The following CCDC149 variants were observed in gnomAD, a reference collection of about 807,000 sequenced individuals.
The protein encoded by CCDC149 is coiled-coil domain containing 149, also known as coiled-coil domain-containing protein 149.
A neutral mutation model predicts 59.9 loss-of-function variants in CCDC149; 45 were observed. The observed-to-expected ratio is 0.75, with a 90% CI of 0.59 to 0.96. CCDC149 has a LOEUF of 0.96. Ranked by LOEUF, CCDC149 falls within the 40% of genes least tolerant of loss-of-function variation. The pLI is 0.00. For synonymous variants in CCDC149, 245 were observed against 260.6 expected, an observed-to-expected ratio of 0.94 and a Z score of 0.58; for missense variants, 584 against 664.7, an observed-to-expected ratio of 0.88 and a Z score of 1.33.
At chr4:24,956,033 C>A (rs1468122976) in intron 1 of CCDC149, among the ~76,000 whole-genome samples, 1 of 152,136 alleles carries the variant, frequency 6.6e-6, no homozygotes, top group African/African-American at 2.4e-5. Flanking sequence ...AAGTTTAACG[C>A]ATATATTAGA....
chr4:24,909,160 T>C (rs528069348), intron 1 of CCDC149, among the ~76,000 whole-genome samples: 1 of 152,302 alleles, frequency 6.6e-6, no homozygotes, highest in South Asian at 2.1e-4. Context: ...TTGTTTTAAA[T>C]GAAAACTGCT....
At chr4:24,814,619 A>G (rs943249332) in intron 12 of CCDC149, among the ~76,000 whole-genome samples, 3 of 152,176 alleles carry the variant, frequency 2.0e-5, no homozygotes, top group African/African-American at 7.2e-5. Context: ...CTTCAATAAG[A>G]TCCTGGGTGA....
chr4:24,826,494 C>G (rs1187683781), intron 9 of CCDC149, among the ~76,000 whole-genome samples: 3 of 152,036 alleles, frequency 2.0e-5, no homozygotes, highest in African/African-American at 7.2e-5. Context: ...GAGATCTGTG[C>G]AGACACAACG....
At chr4:24,974,682 CTCAA>C (rs1724099370) in intron 1 of CCDC149, among the ~76,000 whole-genome samples, 1 of 152,208 alleles carries the variant, frequency 6.6e-6, no homozygotes. Context: ...TCAGTAAGTG[CTCAA>C]TCAATGTCTG....
chr4:24,924,125 G>C (rs1388311542), intron 1 of CCDC149, among the ~76,000 whole-genome samples: 2 of 152,114 alleles, frequency 1.3e-5, no homozygotes, highest in African/African-American at 4.8e-5. Flanking sequence ...CCACTGCAAA[G>C]GAAGCAGGGA....
At chr4:24,866,819 A>C (rs531745763) in intron 3 of CCDC149, among the ~76,000 whole-genome samples, 9 of 69,984 alleles carry the variant, frequency 1.3e-4, no homozygotes, top group Non-Finnish European at 1.9e-4. Flanking sequence ...ACACACACAC[A>C]CACCCACACA....
chr4:24,894,221 T>TA (rs532295574), intron 1 of CCDC149, among the ~76,000 whole-genome samples: 1 of 152,150 alleles, frequency 6.6e-6, no homozygotes, highest in Non-Finnish European at 1.5e-5. Flanking sequence ...AAAATTACAT[T>TA]AAAAAATCTT....
upstream of CCDC149, among the ~76,000 whole-genome samples, chr4:24,913,138 C>T (rs116991693): frequency 4.6e-3 from 694 of 151,096 alleles, 40 homozygotes; most frequent in East Asian, 0.11. Context: ...CGCCCTCAGC[C>T]CCGCGACCTC....
chr4:24,894,602 T>C (rs1720734191), intron 1 of CCDC149, among the ~76,000 whole-genome samples: 1 of 152,038 alleles, frequency 6.6e-6, no homozygotes, highest in Non-Finnish European at 1.5e-5. Context: ...TCCAGTGAGT[T>C]TCTCTCCTCT....
chr4:24,973,424 A>G (rs1172933906), intron 1 of CCDC149, among the ~76,000 whole-genome samples: 1 of 152,222 alleles, frequency 6.6e-6, no homozygotes, highest in Non-Finnish European at 1.5e-5. Context: ...GTACACTTTA[A>G]GTATATGGAG....
chr4:24,808,899 C>CTGTGCTGGTAGGCTGGGCAGG, intron 12 of CCDC149, 80 bp from the exon 13 acceptor site: 1 of 1,306,114 alleles, frequency 7.7e-7, no homozygotes, highest in Non-Finnish European at 1.0e-6. Context: ...ACCTCCTGCC[C>CTGTGCTGGTAGGCTGGGCAGG]AGCCTACCAG....
intron 4 of CCDC149, among the ~76,000 whole-genome samples, chr4:24,839,786 T>C (rs527635774): frequency 2.6e-5 from 4 of 152,308 alleles, no homozygotes; most frequent in Admixed American, 6.5e-5. Context: ...TCAAAAGTTA[T>C]GGCAGCACTT....
intron 1 of CCDC149, among the ~76,000 whole-genome samples, chr4:24,948,029 C>T (rs554063633): frequency 3.3e-5 from 5 of 152,270 alleles, no homozygotes; most frequent in Admixed American, 2.0e-4. Context: ...GGAGAGCCTT[C>T]GTTCCCTCCC....
intron 1 of CCDC149, 48 bp downstream of exon 1, chr4:24,912,769 C>T: frequency 2.5e-6 from 3 of 1,187,024 alleles, no homozygotes; most frequent in Non-Finnish European, 3.1e-6. Flanking sequence ...CCGGGGCTGG[C>T]GGCCGCTCGG....
At position 24,876,575 on chromosome 4, in the gene CCDC149, C is replaced by T. The variant is rs527313945; in HGVS notation, c.186G>A (p.Glu62=). Reference sequence around the variant, plus strand: ...ACTTCTTCTTCAGTGACTGGTGGCGCTCCCGGAGCTGATTGGCCATGAGTT... The same window carrying T: ...ACTTCTTCTTCAGTGACTGGTGGCGTTCCCGGAGCTGATTGGCCATGAGTT... Residue 62 remains glutamate (E), a synonymous_variant, in exon 2 of 13, where the codon GAG becomes GAA. Transcript: ENST00000635206. 2.5e-6 allele frequency: 4 copies of T among 1,614,122 alleles called. No homozygotes were observed. The South Asian group carries it at 3.3e-5, about 13-fold the overall frequency.
At position 24,844,601 on chromosome 4, in the gene CCDC149, C is replaced by T. The variant is rs114137670; in HGVS notation, c.373-6329G>A. On this transcript the variant is annotated intron_variant, in intron 4 of 12. Coordinates refer to ENST00000635206, the MANE Select transcript of CCDC149 (RefSeq NM_001330643.2). ...CAGCCTGGTCAACATGGTGAAACTC[C>T]GTCTCAACTAAAAATACAAAAACTA... Among the ~76,000 whole-genome samples the T allele has an allele frequency of 2.3e-3, 357 of 152,080 alleles. 1 individual carries two copies. Among genetic ancestry groups the T allele is most frequent in the African/African-American group, 8.2e-3 (339 of 41,488 alleles).
chr4:24,813,155 A>G (rs1714742579), intron 12 of CCDC149, among the ~76,000 whole-genome samples: 1 of 152,162 alleles, frequency 6.6e-6, no homozygotes, highest in Non-Finnish European at 1.5e-5. Flanking sequence ...GGAAGGGACC[A>G]GAACCCCCTC....
At chr4:24,860,733 T>A (rs1288238219) in intron 3 of CCDC149, among the ~76,000 whole-genome samples, 1 of 152,014 alleles carries the variant, frequency 6.6e-6, no homozygotes, top group East Asian at 1.9e-4. Flanking sequence ...TACAAGGAAC[T>A]CAAGCAAATC....
intron 1 of CCDC149, among the ~76,000 whole-genome samples, chr4:24,907,389 T>A (rs1721597948): frequency 6.6e-6 from 1 of 152,122 alleles, no homozygotes; most frequent in Non-Finnish European, 1.5e-5. Context: ...CTACCCTAGC[T>A]CCACTCACAG....
Sources: gnomAD v4.1 joint callset for allele counts (sites outside exome capture counted in the v4.1 genomes callset) on GRCh38, gnomAD v4.1.1 for gene constraint, MANE v1.5 for transcripts, NCBI Gene and HGNC (gene_info 2026-07-23, HGNC 2026-07-21) for gene names.